The following CLUL1 variants were observed in gnomAD, a reference collection of about 807,000 sequenced individuals.
CLUL1 encodes clusterin-like protein 1.
In CLUL1, 43 loss-of-function variants were observed where a neutral mutation model predicts 49.4. The ratio of observed to expected loss-of-function variants is 0.87; its 90% confidence interval spans 0.68 to 1.12. CLUL1 has a LOEUF of 1.12. Ranked by LOEUF, CLUL1 falls within the 50% of genes most tolerant of loss-of-function variation. CLUL1 has a pLI of 0.00. For synonymous variants in CLUL1, 192 were observed against 184.9 expected (o/e 1.04, Z -0.31); for missense variants, 486 against 544.4 (o/e 0.89, Z 1.07).
chr18:628,493 C>T (rs940050794), intron 6 of CLUL1, among the ~76,000 whole-genome samples: 5 of 152,130 alleles, frequency 3.3e-5, no homozygotes, highest in South Asian at 4.1e-4. Flanking sequence ...ATACCGCATT[C>T]GAGAATGAGA....
At chr18:632,028 T>C (rs185806027) in intron 6 of CLUL1, among the ~76,000 whole-genome samples, 163 of 152,330 alleles carry the variant, frequency 1.1e-3, no homozygotes, top group African/African-American at 3.8e-3. Flanking sequence ...CTATGGACTT[T>C]GCAATTTATC....
At chr18:600,707 G>A (rs181839324) in intron 1 of CLUL1, among the ~76,000 whole-genome samples, 51 of 152,270 alleles carry the variant, frequency 3.3e-4, no homozygotes, top group African/African-American at 8.4e-4. Context: ...TGGCAGTGAA[G>A]TTTGTCTTAG....
intron 4 of CLUL1, among the ~76,000 whole-genome samples, chr18:624,324 C>T (rs1016223079): frequency 1.3e-5 from 2 of 151,914 alleles, no homozygotes; most frequent in South Asian, 4.1e-4. Flanking sequence ...AGATGCCATC[C>T]TGCGTCTCGG....
intron 6 of CLUL1, among the ~76,000 whole-genome samples, chr18:632,710 GAAAAT>G (rs1370286866): frequency 6.6e-6 from 1 of 152,094 alleles, no homozygotes; most frequent in African/African-American, 2.4e-5. Context: ...ACTCCTCCTA[GAAAAT>G]AAAATTACAT....
chr18:626,308 T>C (rs2073693659), intron 5 of CLUL1, among the ~76,000 whole-genome samples: 1 of 151,988 alleles, frequency 6.6e-6, no homozygotes, highest in Non-Finnish European at 1.5e-5. Context: ...AGACAGGGTT[T>C]TACCATGTTG....
chr18:603,154 A>G (rs1212575114), intron 1 of CLUL1, among the ~76,000 whole-genome samples: 1 of 152,250 alleles, frequency 6.6e-6, no homozygotes, highest in Admixed American at 6.5e-5. Context: ...AGTATGAGCC[A>G]GGACCAGCTA....
chr18:632,431 G>C (rs1416021487), intron 6 of CLUL1, among the ~76,000 whole-genome samples: 5 of 151,932 alleles, frequency 3.3e-5, no homozygotes, highest in African/African-American at 1.2e-4. Context: ...TTAAGAAACA[G>C]ACATTTCTAA....
intron 4 of CLUL1, among the ~76,000 whole-genome samples, chr18:622,917 G>A (rs1456569560): frequency 6.6e-6 from 1 of 152,190 alleles, no homozygotes; most frequent in East Asian, 1.9e-4. Context: ...CACAGCCACT[G>A]TAGTTTGGAA....
intron 1 of CLUL1, among the ~76,000 whole-genome samples, chr18:604,515 AAG>A (rs1199693853): frequency 6.6e-6 from 1 of 152,246 alleles, no homozygotes; most frequent in East Asian, 1.9e-4. Context: ...GTACCACAAA[AAG>A]AGTTTATTTT....
At chr18:598,494 C>T (rs2072723634) in intron 1 of CLUL1, 1 of 398,578 alleles carries the variant, frequency 2.5e-6, no homozygotes, top group Admixed American at 4.4e-5. Context: ...CTCTAACATC[C>T]TCTAGGCAGT....
At position 627,386 on chromosome 18, in the gene CLUL1, C is replaced by A; in HGVS notation, c.713C>A (p.Thr238Lys). The part of the protein sequence containing the change: ...FFPAFSKEPM[T>K]KADLEQCWDI... ...CCAGCTTTCTCTAAAGAGCCGATGA[C>A]AAAAGCAGATCTTGAGCAATGTTGG... The change falls in exon 6 of 10, where the codon ACA becomes AAA. Residue 238 changes from threonine (T) to lysine (K), a missense_variant. Thr to Lys is a moderately conservative substitution (Grantham distance 78). Transcript: ENST00000692774. 6.2e-7 allele frequency: 1 copy of A among 1,614,154 alleles called. No homozygotes were observed. Among genetic ancestry groups the A allele is most frequent in the African/African-American group, 1.3e-5 (1 of 75,046 alleles).
chr18:646,497 GACAC>G (rs56076402), intron 9 of CLUL1, among the ~76,000 whole-genome samples: 3,037 of 141,312 alleles, frequency 0.021, 66 homozygotes, highest in East Asian at 0.1. Context: ...CAGATAGATA[GACAC>G]ACACACACAC....
chr18:605,450 T>A (rs1644860040), intron 1 of CLUL1, among the ~76,000 whole-genome samples: 1 of 151,804 alleles, frequency 6.6e-6, no homozygotes. Flanking sequence ...CAATATGGTA[T>A]AACCCTGTGT....
In CLUL1 at chr18:629,200, A is replaced by G. The variant is rs115108947; in HGVS notation, c.856+1671A>G. Among the ~76,000 whole-genome samples the G allele has an allele frequency of 3.6e-3, 553 of 152,220 alleles. 3 individuals are homozygous for G. The highest frequency in any genetic ancestry group is 0.013 in the African/African-American group (531 of 41,534). ...TTTCAGAGTCCAGTGGACTTTTTTT[A>G]TAAGTCAATTATTTGGTCTGGTAGT... On this transcript the variant is annotated intron_variant, in intron 6 of 9. Transcript: ENST00000692774.
chr18:632,846 A>G (rs1449367215), intron 6 of CLUL1, among the ~76,000 whole-genome samples: 1 of 152,182 alleles, frequency 6.6e-6, no homozygotes, highest in African/African-American at 2.4e-5. Context: ...ACCAACGTGC[A>G]TTTCTGTGTC....
At chr18:610,757 C>T (rs1327474419) in intron 2 of CLUL1, among the ~76,000 whole-genome samples, 1 of 152,166 alleles carries the variant, frequency 6.6e-6, no homozygotes, top group African/African-American at 2.4e-5. Flanking sequence ...GAATCCAAGG[C>T]TGGGGGAGGT....
In CLUL1 at chr18:645,808, AAAATATATATATATATATATAT is replaced by A. The variant is rs1261055146; in HGVS notation, c.1397+713_1397+734del. Among the ~76,000 whole-genome samples, 259 of 56,916 alleles carry A rather than the reference AAAATATATATATATATATATAT, an allele frequency of 4.6e-3. 23 individuals are homozygous for A. The highest frequency in any genetic ancestry group is 6.2e-3 in the Non-Finnish European group (188 of 30,408). The allele number at this position is 56,916 out of a possible 152,430, so 37.3% of individuals were successfully genotyped here. A position where few individuals can be genotyped will look rare whatever the true frequency, so the allele number is the denominator to read the frequency against. The stretch of plus-strand genomic sequence containing the variant: ...GACTCTGTTTAAAAAAAAAAAAAAA[AAAATATATATATATATATATAT>A]ATATATATATATATATATATATGTT... On this transcript the variant is annotated intron_variant, in intron 9 of 9. Transcript: ENST00000692774.
At chr18:648,139 A>C (rs1301873918) in intron 9 of CLUL1, among the ~76,000 whole-genome samples, 3 of 152,220 alleles carry the variant, frequency 2.0e-5, no homozygotes, top group Non-Finnish European at 4.4e-5. Flanking sequence ...TTCACTCTAC[A>C]GCGCTGGTGA....
At chr18:642,803 A>G (rs1446929266) in intron 8 of CLUL1, among the ~76,000 whole-genome samples, 1 of 152,102 alleles carries the variant, frequency 6.6e-6, no homozygotes, top group Non-Finnish European at 1.5e-5. Flanking sequence ...CTTTCTCCCA[A>G]AGATTGCCCT....
Sources: allele counts gnomAD v4.1 joint callset (sites outside exome capture counted in the v4.1 genomes callset), GRCh38; gene constraint gnomAD v4.1.1; transcripts MANE v1.5; gene names NCBI Gene and HGNC (gene_info 2026-07-23, HGNC 2026-07-21).